GPC6: variants seen among roughly 807,000 people sequenced by gnomAD.
GPC6 encodes glypican 6.
Under a neutral mutation model 55.2 loss-of-function variants are expected in GPC6, and 14 were observed. The ratio of observed to expected loss-of-function variants is 0.25; its 90% CI spans 0.17 to 0.40. The LOEUF (loss-of-function observed/expected upper bound fraction) is 0.40. GPC6 is among the 10% of genes least tolerant of loss of function. The pLI is 1.00. For synonymous variants in GPC6, 278 were observed against 259.6 expected (o/e 1.07, Z -0.68); for missense variants, 641 against 708.5 (o/e 0.90, Z 1.08).
At chr13:93,492,194 C>G (rs986964407) in intron 1 of GPC6, among the ~76,000 whole-genome samples, 11 of 146,716 alleles carry the variant, frequency 7.5e-5, no homozygotes, top group Non-Finnish European at 1.3e-4. Flanking sequence ...TCTTTTATTT[C>G]CTTGAGCAGT....
chr13:93,773,042 A>G (rs1355372529), intron 2 of GPC6, among the ~76,000 whole-genome samples: 2 of 152,178 alleles, frequency 1.3e-5, no homozygotes, highest in Admixed American at 6.5e-5. Flanking sequence ...ATAGTAGGTT[A>G]TGACAGGACA....
chr13:93,763,525 A>G (rs1885018025), intron 2 of GPC6, among the ~76,000 whole-genome samples: 1 of 152,136 alleles, frequency 6.6e-6, no homozygotes, highest in Admixed American at 6.6e-5. Flanking sequence ...TTCCATTACC[A>G]TCAGGCATCA....
Position 93,830,141 on chromosome 13 carries a change from GT to G in GPC6, c.320-9del. The G allele has an allele frequency of 1.9e-6, 3 of 1,605,164 alleles. No homozygotes were observed. Among genetic ancestry groups the G allele is most frequent in the Non-Finnish European group, 2.6e-6 (3 of 1,174,750 alleles). Reference sequence around the variant, plus strand: ...TTTCATTAATTTATGACTTCTTTCTGTTTTATCTGCAGAATTTTTCCGAGAG... The same window carrying G: ...TTTCATTAATTTATGACTTCTTTCTGTTTATCTGCAGAATTTTTCCGAGAG... On this transcript the variant is annotated splice_polypyrimidine_tract_variant and intron_variant, in intron 2 of 8. Transcript: ENST00000377047.
chr13:93,465,036 G>A (rs1878854931), intron 1 of GPC6, among the ~76,000 whole-genome samples: 1 of 152,110 alleles, frequency 6.6e-6, no homozygotes, highest in African/African-American at 2.4e-5. Flanking sequence ...AGAATCTGTT[G>A]TTTTTCTGAA....
chr13:93,254,912 G>GA (rs1031692987), intron 1 of GPC6, among the ~76,000 whole-genome samples: 2 of 152,084 alleles, frequency 1.3e-5, no homozygotes, highest in African/African-American at 4.8e-5. Flanking sequence ...CTGTTTCTGA[G>GA]AAAAAAAATC....
chr13:93,446,201 G>A (rs1451302616), intron 1 of GPC6, among the ~76,000 whole-genome samples: 1 of 151,996 alleles, frequency 6.6e-6, no homozygotes, highest in Non-Finnish European at 1.5e-5. Flanking sequence ...GGATGTTGTA[G>A]CTAGTTTGGA....
chr13:93,941,187 A>G (rs1878719113), intron 3 of GPC6, among the ~76,000 whole-genome samples: 1 of 144,152 alleles, frequency 6.9e-6, no homozygotes, highest in Non-Finnish European at 1.6e-5. Context: ...ATCCAGTAAT[A>G]AAAAAAACCC....
intron 2 of GPC6, among the ~76,000 whole-genome samples, chr13:93,745,447 G>A (rs1311952726): frequency 3.3e-5 from 5 of 151,860 alleles, no homozygotes; most frequent in Admixed American, 6.6e-5. Flanking sequence ...TCATCACCTT[G>A]TTAAGTCACT....
intron 4 of GPC6, among the ~76,000 whole-genome samples, chr13:94,219,468 T>A (rs541510393): frequency 6.6e-6 from 1 of 152,238 alleles, no homozygotes; most frequent in South Asian, 2.1e-4. Flanking sequence ...TAGAAACATA[T>A]TGATCTGGGA....
At chr13:94,097,736 G>A (rs1257090114) in intron 4 of GPC6, among the ~76,000 whole-genome samples, 1 of 152,042 alleles carries the variant, frequency 6.6e-6, no homozygotes, top group Non-Finnish European at 1.5e-5. Context: ...TAGGGATTTG[G>A]TTATAAATCA....
intron 2 of GPC6, among the ~76,000 whole-genome samples, chr13:93,598,707 G>A (rs1877878104): frequency 6.6e-6 from 1 of 152,120 alleles, no homozygotes; most frequent in Non-Finnish European, 1.5e-5. Flanking sequence ...GCTAAACTAA[G>A]TCTCATGACT....
chr13:93,292,404 G>T (rs574103526), intron 1 of GPC6, among the ~76,000 whole-genome samples: 1 of 152,244 alleles, frequency 6.6e-6, no homozygotes, highest in South Asian at 2.1e-4. Context: ...AGGAATTCTA[G>T]ACTTTTTAAG....
chr13:93,878,996 G>A (rs1357085236), intron 3 of GPC6, among the ~76,000 whole-genome samples: 2 of 152,076 alleles, frequency 1.3e-5, no homozygotes, highest in Non-Finnish European at 2.9e-5. Context: ...CTGCAGAGCA[G>A]ACAAGTGATA....
At chr13:93,579,015 A>T (rs571195446) in intron 2 of GPC6, among the ~76,000 whole-genome samples, 2 of 152,210 alleles carry the variant, frequency 1.3e-5, no homozygotes, top group Admixed American at 1.3e-4. Context: ...AACATATTAT[A>T]TGTTCTCATT....
At chr13:93,776,267 T>C (rs557438210) in intron 2 of GPC6, among the ~76,000 whole-genome samples, 1 of 152,194 alleles carries the variant, frequency 6.6e-6, no homozygotes, top group African/African-American at 2.4e-5. Context: ...ATAGCTTACA[T>C]GTATTCAACC....
intron 2 of GPC6, among the ~76,000 whole-genome samples, chr13:93,713,634 C>A (rs1364215109): frequency 6.6e-6 from 1 of 151,504 alleles, no homozygotes; most frequent in African/African-American, 2.4e-5. Context: ...TATGTCATTA[C>A]TAGAAAATGA....
intron 1 of GPC6, among the ~76,000 whole-genome samples, chr13:93,526,458 C>T (rs1247266703): frequency 6.6e-6 from 1 of 152,050 alleles, no homozygotes; most frequent in Non-Finnish European, 1.5e-5. Flanking sequence ...ATCCAGATCA[C>T]AGAAGTAACA....
chr13:93,406,275 C>T (rs1876287660), intron 1 of GPC6, among the ~76,000 whole-genome samples: 1 of 152,116 alleles, frequency 6.6e-6, no homozygotes, highest in Non-Finnish European at 1.5e-5. Context: ...GTTGTGCAGC[C>T]TTAGAATCCT....
chr13:93,640,431 A>T (rs1200904379), intron 2 of GPC6, among the ~76,000 whole-genome samples: 1 of 152,114 alleles, frequency 6.6e-6, no homozygotes, highest in Non-Finnish European at 1.5e-5. Context: ...CTTGGAAAGA[A>T]TAAATAACTT....
Sources: gnomAD v4.1 joint callset for allele counts (sites outside exome capture counted in the v4.1 genomes callset) on GRCh38, gnomAD v4.1.1 for gene constraint, MANE v1.5 for transcripts, NCBI Gene and HGNC (gene_info 2026-07-23, HGNC 2026-07-21) for gene names.